Variants in ANAPC1 observed in about 807,000 individuals in gnomAD.
The protein encoded by ANAPC1 is anaphase-promoting complex subunit 1.
In ANAPC1, 36 loss-of-function variants were observed where a neutral mutation model predicts 208.0. That is an observed-to-expected ratio of 0.17 (90% CI 0.13 to 0.23). The LOEUF (loss-of-function observed/expected upper bound fraction) is 0.23. Ranked by LOEUF, ANAPC1 falls within the 10% of genes least tolerant of loss-of-function variation. ANAPC1 has a pLI of 1.00. For missense variants in ANAPC1, 942 were observed against 2,011.6 expected (o/e 0.47, Z 10.17); for synonymous variants, 378 against 695.2 (o/e 0.54, Z 7.18).
chr2:111,881,938 A>T (rs1173674379), intron 1 of ANAPC1, among the ~76,000 whole-genome samples: 1 of 152,204 alleles, frequency 6.6e-6, no homozygotes, highest in African/African-American at 2.4e-5. Context: ...TAATCCCAGC[A>T]CTGTGGGAGG....
intron 26 of ANAPC1, among the ~76,000 whole-genome samples, chr2:111,820,802 T>C (rs1679488098): frequency 6.7e-6 from 1 of 149,964 alleles, no homozygotes; most frequent in African/African-American, 2.5e-5. Context: ...GTATCATCTA[T>C]CATATCCAAA....
intron 30 of ANAPC1, among the ~76,000 whole-genome samples, chr2:111,804,423 G>A (rs1361893044): frequency 8.5e-6 from 1 of 117,206 alleles, no homozygotes; most frequent in East Asian, 2.3e-4. Context: ...AGCTGATTAA[G>A]CAATACACAA....
chr2:111,851,964 A>G (rs1033371013), intron 13 of ANAPC1, among the ~76,000 whole-genome samples: 2 of 152,228 alleles, frequency 1.3e-5, no homozygotes, highest in Admixed American at 1.3e-4. Flanking sequence ...TGAGATATTA[A>G]CAACGTACGT....
At chr2:111,850,397 T>G (rs1242687279) in intron 14 of ANAPC1, among the ~76,000 whole-genome samples, 1 of 152,252 alleles carries the variant, frequency 6.6e-6, no homozygotes, top group African/African-American at 2.4e-5. Flanking sequence ...GATTTTGCCA[T>G]GTCCTCCCAT....
At chr2:111,773,424 C>A (rs1390707003) in intron 46 of ANAPC1, among the ~76,000 whole-genome samples, 2 of 152,160 alleles carry the variant, frequency 1.3e-5, no homozygotes, top group African/African-American at 2.4e-5. Context: ...GTTGAAGACA[C>A]TGGAAAAAGA....
intron 13 of ANAPC1, among the ~76,000 whole-genome samples, chr2:111,851,908 A>G (rs1299262199): frequency 6.6e-6 from 1 of 152,178 alleles, no homozygotes; most frequent in Non-Finnish European, 1.5e-5. Context: ...CATCTGTACA[A>G]GCTGAAAACT....
chr2:111,826,449 T>C (rs574162754), intron 21 of ANAPC1, among the ~76,000 whole-genome samples: 3 of 152,360 alleles, frequency 2.0e-5, no homozygotes, highest in African/African-American at 4.8e-5. Context: ...AAATCAATCA[T>C]ATGATATGTA....
chr2:111,871,066 T>G (rs1682721530), intron 6 of ANAPC1, among the ~76,000 whole-genome samples: 3 of 152,220 alleles, frequency 2.0e-5, no homozygotes. Flanking sequence ...GTGCCTACTT[T>G]TATACCAGTA....
intron 21 of ANAPC1, among the ~76,000 whole-genome samples, chr2:111,829,461 C>T (rs1330481368): frequency 1.3e-5 from 2 of 152,064 alleles, no homozygotes; most frequent in Non-Finnish European, 2.9e-5. Flanking sequence ...GCATATGGTT[C>T]TCCTGCAAGC....
At chr2:111,769,679 CTT>C (rs767767639) in intron 47 of ANAPC1, among the ~76,000 whole-genome samples, 3,164 of 83,098 alleles carry the variant, frequency 0.038, 205 homozygotes, top group African/African-American at 0.095. Flanking sequence ...TACTGGCTTT[CTT>C]TTTTTTTTTT....
chr2:111,830,181 T>C (rs894833108), intron 21 of ANAPC1, among the ~76,000 whole-genome samples: 1 of 152,212 alleles, frequency 6.6e-6, no homozygotes, highest in African/African-American at 2.4e-5. Flanking sequence ...AATTACAGCG[T>C]AGACAGCCAC....
chr2:111,881,021 T>C (rs1683271354), intron 1 of ANAPC1, 172 bp from the exon 2 acceptor site: 1 of 587,862 alleles, frequency 1.7e-6, no homozygotes, highest in Non-Finnish European at 3.0e-6. Context: ...ATTCAGACAG[T>C]TGCAATTATC....
At chr2:111,767,638 A>G (rs1676509460), downstream of ANAPC1, 2 of 123,742 alleles carry the variant, frequency 1.6e-5, 1 homozygote, top group Non-Finnish European at 3.4e-5. Context: ...GCAAACAACT[A>G]ATGTCTCTCC....
At chr2:111,803,953 T>C in intron 30 of ANAPC1, 114 bp from the exon 31 acceptor site, 2 of 590,682 alleles carry the variant, frequency 3.4e-6, no homozygotes, top group Non-Finnish European at 5.8e-6. Context: ...ATTTTGGGTT[T>C]TGTTTTTTTT....
Position 111,843,538 on chromosome 2 carries a change from A to C in ANAPC1, c.1914T>G (p.Leu638=), listed in dbSNP as rs753917899. ...ILPKEIAVQM[L]VKWYNVHSAP... ...CACTGTGGACATTGTACCACTTGAC[A>C]AGCATCTGAACTGCTATTTCTTTTG... Residue 638 remains leucine (L), a synonymous_variant, in exon 17 of 48, where the codon CTT becomes CTG. Coordinates refer to ENST00000341068, the MANE Select transcript of ANAPC1 (RefSeq NM_022662.4). The C allele has an allele frequency of 7.4e-6, 12 of 1,611,980 alleles. No individual in the cohort carries two copies. The Admixed American group carries it at 2.0e-4, about 27-fold the overall frequency.
chr2:111,852,799 G>C (rs1171582852), intron 13 of ANAPC1, among the ~76,000 whole-genome samples: 1 of 151,574 alleles, frequency 6.6e-6, no homozygotes, highest in Non-Finnish European at 1.5e-5. Flanking sequence ...GCCCATAGAG[G>C]CTAAGATACT....
chr2:111,799,494 C>T (rs1477924250), intron 34 of ANAPC1, among the ~76,000 whole-genome samples: 2 of 151,622 alleles, frequency 1.3e-5, no homozygotes, highest in African/African-American at 4.8e-5. Context: ...ATCCCTAATC[C>T]GAAAATCCAA....
chr2:111,772,049 C>T (rs1455182243), intron 47 of ANAPC1, among the ~76,000 whole-genome samples: 1 of 146,544 alleles, frequency 6.8e-6, no homozygotes, highest in African/African-American at 2.5e-5. Context: ...AGAAAAATAG[C>T]TTTAATAAAA....
chr2:111,835,978 C>T (rs1020740061), intron 18 of ANAPC1, among the ~76,000 whole-genome samples: 26 of 152,200 alleles, frequency 1.7e-4, no homozygotes, highest in Non-Finnish European at 2.9e-4. Context: ...CATGTAAGAA[C>T]TTCAACAGCT....
Sources: allele counts gnomAD v4.1 joint callset (sites outside exome capture counted in the v4.1 genomes callset), GRCh38; gene constraint gnomAD v4.1.1; transcripts MANE v1.5; gene names NCBI Gene and HGNC (gene_info 2026-07-23, HGNC 2026-07-21).